CFAP58: variants seen among roughly 807,000 people sequenced by gnomAD.
CFAP58 encodes cilia and flagella associated protein 58.
In CFAP58, 88 loss-of-function variants were observed where a neutral mutation model predicts 119.5. The observed-to-expected ratio is 0.74, with a 90% CI of 0.62 to 0.88. CFAP58 has a LOEUF of 0.88. CFAP58 is among the 40% of genes least tolerant of loss of function. The pLI, the probability that CFAP58 is intolerant of heterozygous loss-of-function variation, is 0.00. For synonymous variants in CFAP58, 365 were observed against 366.3 expected (o/e 1.00, Z 0.04); for missense variants, 990 against 1,021.2 (o/e 0.97, Z 0.42).
the CFAP58 span, among the ~76,000 whole-genome samples, chr10:104,344,885 C>T: frequency 2.6e-5 from 4 of 152,124 alleles, no homozygotes; most frequent in East Asian, 1.9e-4. Context: ...TGGTGGCTCA[C>T]GCCTGTAATC....
intron 8 of CFAP58, among the ~76,000 whole-genome samples, chr10:104,378,055 C>T (rs2011706709): frequency 6.6e-6 from 1 of 152,142 alleles, no homozygotes; most frequent in Admixed American, 6.5e-5. Context: ...AGTAATTTTA[C>T]ATTTATTTGT....
intron 14 of CFAP58, 51 bp from the exon 15 acceptor site, chr10:104,406,638 T>C (rs752572395): frequency 2.4e-5 from 35 of 1,448,460 alleles, no homozygotes; most frequent in Non-Finnish European, 3.4e-5. Context: ...GAGGCCTCAG[T>C]GCTTTGAAGC....
At position 104,365,939 on chromosome 10, in the gene CFAP58, C is replaced by A. The variant is rs768639790; in HGVS notation, c.723C>A (p.Ala241=). The change falls in exon 5 of 18, where the codon GCC becomes GCA. Residue 241 remains alanine (A), a synonymous_variant. Transcript: ENST00000369704. ...ACAGCAGGCAGACAGAAATAAAAGC[C>A]CTGCAGCAGTATGTGCAGAAGAGCA... ...DMDSRQTEIK[A]LQQYVQKSKE... 5.0e-6 allele frequency: 8 copies of A among 1,613,378 alleles called. No individual in the cohort carries two copies. The highest frequency in any genetic ancestry group is 6.8e-6 in the Non-Finnish European group (8 of 1,179,700).
intron 17 of CFAP58, 97 bp downstream of exon 17, chr10:104,450,301 G>C: frequency 2.4e-6 from 3 of 1,260,004 alleles, no homozygotes; most frequent in Non-Finnish European, 3.4e-6. Flanking sequence ...TTTCACTGGG[G>C]TAAACTAAAT....
At position 104,454,588 on chromosome 10, in the gene CFAP58, T is replaced by G; in HGVS notation, c.*58T>G. ...CTCATGAAATCTGCTCTGGGACATT[T>G]TGGGGGAATCTCAAAGTCCTTGGAT... On this transcript the variant is annotated 3_prime_UTR_variant, in exon 18 of 18. Transcript: ENST00000369704. The G allele has an allele frequency of 7.7e-7, 1 of 1,294,946 alleles. No individual in the cohort carries two copies. Among genetic ancestry groups the G allele is most frequent in the Non-Finnish European group, 1.1e-6 (1 of 892,706 alleles). The allele number at this position is 1,294,946 out of a possible 1,614,324, so 80.2% of individuals were successfully genotyped here.
At chr10:104,368,318 G>A in intron 5 of CFAP58, 105 bp from the exon 6 acceptor site, 1 of 995,278 alleles carries the variant, frequency 1.0e-6, no homozygotes. Flanking sequence ...CAAAAACTCA[G>A]GGTTGCTGTT....
chr10:104,443,312 G>T (rs940083256), intron 15 of CFAP58, among the ~76,000 whole-genome samples: 7 of 152,180 alleles, frequency 4.6e-5, no homozygotes, highest in African/African-American at 1.7e-4. Flanking sequence ...TGGAGTGAAG[G>T]CAAGATGGAA....
At chr10:104,444,079 A>G (rs2013077896) in intron 15 of CFAP58, among the ~76,000 whole-genome samples, 1 of 152,252 alleles carries the variant, frequency 6.6e-6, no homozygotes, top group South Asian at 2.1e-4. Flanking sequence ...AGAGAAAGCT[A>G]GTATTTTGGT....
intron 15 of CFAP58, among the ~76,000 whole-genome samples, chr10:104,440,078 TCCCAAAG>T (rs2013012159): frequency 6.6e-6 from 1 of 151,994 alleles, no homozygotes; most frequent in African/African-American, 2.4e-5. Flanking sequence ...CGCCTGGGCC[TCCCAAAG>T]TGCTGGGATT....
At chr10:104,368,601 C>T in intron 6 of CFAP58, 41 bp downstream of exon 6, 2 of 1,609,094 alleles carry the variant, frequency 1.2e-6, no homozygotes, top group Non-Finnish European at 1.7e-6. Context: ...GCTCTTTCTT[C>T]CTAACACAGG....
rs1405307849 is a variant in CFAP58, at chr10:104,357,895, A to G, written c.10-446A>G. On this transcript the variant is annotated intron_variant, in intron 1 of 17. Transcript: ENST00000369704. ...CATATATGTACACATATATAAACAT[A>G]TATGTACACATATACACACATATAT... 2.5e-5 allele frequency among the ~76,000 whole-genome samples: 3 copies of G among 119,936 alleles called. 1 individual carries two copies. The highest frequency in any genetic ancestry group is 3.3e-5 in the Non-Finnish European group (2 of 59,906). The allele number at this position is 119,936 out of a possible 152,430, so 78.7% of individuals were successfully genotyped here.
rs144727388 is a variant in CFAP58 at position 104,397,552 on chromosome 10, A to G, written c.1675-1808A>G. 5.6e-3 allele frequency among the ~76,000 whole-genome samples: 855 copies of G among 152,320 alleles called. 8 individuals are homozygous for G. Among genetic ancestry groups the G allele is most frequent in the African/African-American group, 0.019 (810 of 41,572 alleles). ...ACCGTAACTAAAGTTGGGTTGGTTC[A>G]AAGGCACTTAAAAGTATGAGGTTTC... On this transcript the variant is annotated intron_variant, in intron 11 of 17. Transcript: ENST00000369704.
In CFAP58 at chr10:104,439,227, G is replaced by GAT. The variant is rs377148178; in HGVS notation, c.2257-8471_2257-8470insAT. On this transcript the variant is annotated intron_variant, in intron 15 of 17. Coordinates refer to ENST00000369704, the MANE Select transcript of CFAP58 (RefSeq NM_001008723.2). Reference sequence around the variant, plus strand: ...GAGAATATTCTATTTCATAAGTTGGGTGATGGGTTTACCCTGAGCATTTAT... The same window carrying GAT: ...GAGAATATTCTATTTCATAAGTTGGGATTGATGGGTTTACCCTGAGCATTTAT... Among the ~76,000 whole-genome samples the GAT allele has an allele frequency of 3.9e-3, 591 of 152,230 alleles. 5 individuals carry two copies. The highest frequency in any genetic ancestry group is 0.013 in the African/African-American group (545 of 41,536).
intron 11 of CFAP58, among the ~76,000 whole-genome samples, chr10:104,397,868 TC>T (rs2133039482): frequency 6.6e-6 from 1 of 152,292 alleles, no homozygotes; most frequent in Non-Finnish European, 1.5e-5. Flanking sequence ...TAACTTTGGT[TC>T]CCCCACTGCA....
the CFAP58 span, among the ~76,000 whole-genome samples, chr10:104,345,329 A>C: frequency 2.6e-5 from 4 of 152,124 alleles, no homozygotes; most frequent in Non-Finnish European, 4.4e-5. Flanking sequence ...GGATAAGAAA[A>C]AAATGAGATA....
At chr10:104,428,360 C>G (rs963201112) in intron 15 of CFAP58, among the ~76,000 whole-genome samples, 1 of 152,112 alleles carries the variant, frequency 6.6e-6, no homozygotes, top group African/African-American at 2.4e-5. Flanking sequence ...ACAATGGGGA[C>G]AGCAGACTTG....
chr10:104,453,702 C>A (rs2133105377), intron 17 of CFAP58, among the ~76,000 whole-genome samples: 1 of 151,550 alleles, frequency 6.6e-6, no homozygotes, highest in South Asian at 2.1e-4. Context: ...TTCTTTAAGA[C>A]CCCAACTGTA....
intron 15 of CFAP58, among the ~76,000 whole-genome samples, chr10:104,439,867 T>A (rs1163727685): frequency 6.6e-6 from 1 of 152,250 alleles, no homozygotes; most frequent in Non-Finnish European, 1.5e-5. Context: ...TGGCCCAGGC[T>A]GGAGTGCAGT....
intron 15 of CFAP58, among the ~76,000 whole-genome samples, chr10:104,428,803 A>T (rs2012795359): frequency 6.6e-6 from 1 of 152,112 alleles, no homozygotes; most frequent in South Asian, 2.1e-4. Flanking sequence ...AGGCGGAGAG[A>T]GTTTAGGTAG....
Sources: allele counts gnomAD v4.1 joint callset (sites outside exome capture counted in the v4.1 genomes callset), GRCh38; gene constraint gnomAD v4.1.1; transcripts MANE v1.5; gene names NCBI Gene and HGNC (gene_info 2026-07-23, HGNC 2026-07-21).